The following DNM3 variants were observed in gnomAD, a reference collection of about 807,000 sequenced individuals.
The protein encoded by DNM3 is dynamin 3.
A neutral mutation model predicts 101.6 loss-of-function variants in DNM3; 47 were observed. The observed-to-expected ratio is 0.46, with a 90% CI of 0.37 to 0.59. DNM3 has a LOEUF of 0.59. Among genes scored for constraint, DNM3 ranks in the 20% least tolerant of loss-of-function variants. DNM3 has a pLI of 0.00. For missense variants in DNM3, 849 were observed against 1,085.7 expected (o/e 0.78, Z 3.06); for synonymous variants, 385 against 387.9 (o/e 0.99, Z 0.09).
At chr1:172,223,748 A>G (rs1013453021) in intron 14 of DNM3, among the ~76,000 whole-genome samples, 1 of 152,174 alleles carries the variant, frequency 6.6e-6, no homozygotes, top group South Asian at 2.1e-4. Flanking sequence ...TAGTCCAAGA[A>G]ACCACTGTCT....
intron 11 of DNM3, among the ~76,000 whole-genome samples, chr1:172,079,405 C>A (rs1023208852): frequency 1.3e-5 from 2 of 151,770 alleles, no homozygotes; most frequent in South Asian, 2.1e-4. Context: ...TCTGCTTGAT[C>A]GATTTGCCTA....
chr1:172,336,214 A>T (rs1251996660), intron 17 of DNM3, among the ~76,000 whole-genome samples: 1 of 152,146 alleles, frequency 6.6e-6, no homozygotes, highest in African/African-American at 2.4e-5. Flanking sequence ...TTTTAGAGAG[A>T]AAGAGCATGA....
chr1:172,157,142 C>T (rs537794280), intron 14 of DNM3, among the ~76,000 whole-genome samples: 1 of 152,120 alleles, frequency 6.6e-6, no homozygotes, highest in South Asian at 2.1e-4. Context: ...AACGTAGAAT[C>T]AGGGGGAACC....
At chr1:171,950,228 A>G (rs1223311325) in intron 2 of DNM3, among the ~76,000 whole-genome samples, 5 of 152,214 alleles carry the variant, frequency 3.3e-5, no homozygotes, top group African/African-American at 9.6e-5. Context: ...TATATATAGT[A>G]TGATTCTGCA....
intron 14 of DNM3, among the ~76,000 whole-genome samples, chr1:172,148,496 G>T (rs921630661): frequency 1.6e-4 from 24 of 152,004 alleles, no homozygotes; most frequent in Non-Finnish European, 2.6e-4. Flanking sequence ...CTGCAGCTAC[G>T]CACCAGATTG....
chr1:172,178,142 C>T (rs1166068171), intron 14 of DNM3, among the ~76,000 whole-genome samples: 1 of 151,814 alleles, frequency 6.6e-6, no homozygotes, highest in Non-Finnish European at 1.5e-5. Flanking sequence ...TGTATCTAAA[C>T]ATATCTAAAC....
chr1:172,233,646 A>C (rs1262634803), intron 14 of DNM3, among the ~76,000 whole-genome samples: 1 of 152,188 alleles, frequency 6.6e-6, no homozygotes, highest in Non-Finnish European at 1.5e-5. Flanking sequence ...CCTCAATAAA[A>C]TACTGGCAAA....
chr1:172,370,872 TTTTC>T (rs2068285453), intron 17 of DNM3, among the ~76,000 whole-genome samples: 1 of 152,030 alleles, frequency 6.6e-6, no homozygotes, highest in Non-Finnish European at 1.5e-5. Flanking sequence ...CTGTTAATTA[TTTTC>T]TTTGTCTGCC....
chr1:172,154,946 T>C (rs1019897213), intron 14 of DNM3, among the ~76,000 whole-genome samples: 4 of 152,092 alleles, frequency 2.6e-5, no homozygotes, highest in African/African-American at 7.2e-5. Flanking sequence ...TCCTAAGTTT[T>C]AATATAGCTA....
intron 10 of DNM3, among the ~76,000 whole-genome samples, chr1:172,061,548 G>T (rs1241385901): frequency 6.6e-6 from 1 of 151,756 alleles, no homozygotes; most frequent in Non-Finnish European, 1.5e-5. Flanking sequence ...GTCCTTTGTA[G>T]GGACATGGAT....
At chr1:172,259,170 T>A (rs78339302) in intron 15 of DNM3, among the ~76,000 whole-genome samples, 2,940 of 152,222 alleles carry the variant, frequency 0.019, 68 homozygotes, top group African/African-American at 0.06. Context: ...TCCTACTATA[T>A]GGTCTACCCT....
intron 18 of DNM3, among the ~76,000 whole-genome samples, chr1:172,381,448 T>C (rs1407062861): frequency 6.6e-6 from 1 of 151,590 alleles, no homozygotes; most frequent in African/African-American, 2.4e-5. Context: ...TTGGGTATTA[T>C]TTTATGTGCT....
chr1:172,053,340 G>A (rs930697532), intron 10 of DNM3, among the ~76,000 whole-genome samples: 2 of 151,904 alleles, frequency 1.3e-5, no homozygotes, highest in African/African-American at 4.8e-5. Context: ...CATTTTTAGG[G>A]AGGCAGCTCA....
chr1:172,081,957 A>C, intron 12 of DNM3, 55 bp downstream of exon 12: 1 of 1,546,734 alleles, frequency 6.5e-7, no homozygotes, highest in East Asian at 2.3e-5. Context: ...TGTCTCAAAC[A>C]CACATTGTGA....
chr1:172,048,508 C>A, intron 9 of DNM3, 104 bp from the exon 10 acceptor site: 1 of 1,349,100 alleles, frequency 7.4e-7, no homozygotes, highest in Non-Finnish European at 9.9e-7. Context: ...TGGTCTATTA[C>A]ATGCTTAATT....
intron 15 of DNM3, among the ~76,000 whole-genome samples, chr1:172,288,356 T>C (rs1302084742): frequency 6.6e-6 from 1 of 151,942 alleles, no homozygotes; most frequent in Non-Finnish European, 1.5e-5. Context: ...GACCCTGAGG[T>C]AGGGAGAAGC....
intron 17 of DNM3, among the ~76,000 whole-genome samples, chr1:172,373,728 A>G (rs1032981333): frequency 1.3e-4 from 20 of 152,062 alleles, no homozygotes; most frequent in African/African-American, 4.8e-4. Context: ...AGATTGTCAA[A>G]CAGGCAACAT....
intron 14 of DNM3, among the ~76,000 whole-genome samples, chr1:172,231,026 G>A (rs2061316788): frequency 6.6e-6 from 1 of 151,652 alleles, no homozygotes; most frequent in African/African-American, 2.4e-5. Context: ...TCAGCTCCTA[G>A]ATGAGTTCAT....
intron 17 of DNM3, among the ~76,000 whole-genome samples, chr1:172,329,316 T>G (rs1273172521): frequency 6.6e-6 from 1 of 151,938 alleles, no homozygotes; most frequent in Admixed American, 6.6e-5. Flanking sequence ...TATAGAAAAA[T>G]TTAAATGTAA....
Sources: allele counts gnomAD v4.1 joint callset (sites outside exome capture counted in the v4.1 genomes callset), GRCh38; gene constraint gnomAD v4.1.1; transcripts MANE v1.5; gene names NCBI Gene and HGNC (gene_info 2026-07-23, HGNC 2026-07-21).